RAB6A: variants seen among roughly 807,000 people sequenced by gnomAD.
RAB6A encodes ras-related protein Rab-6A.
In RAB6A, 8 loss-of-function variants were observed where a neutral mutation model predicts 32.3. The ratio of observed to expected loss-of-function variants is 0.25; its 90% CI spans 0.15 to 0.45. The LOEUF (loss-of-function observed/expected upper bound fraction) is 0.45. Ranked by LOEUF, RAB6A falls within the 20% of genes least tolerant of loss-of-function variation. RAB6A has a pLI of 1.00. For synonymous variants in RAB6A, 73 were observed against 82.1 expected, an observed-to-expected ratio of 0.89 and a Z score of 0.60; for missense variants, 104 against 249.4, an observed-to-expected ratio of 0.42 and a Z score of 3.93.
chr11:73,703,555 A>G (rs755235405), intron 6 of RAB6A, among the ~76,000 whole-genome samples: 5 of 152,020 alleles, frequency 3.3e-5, no homozygotes, highest in Non-Finnish European at 5.9e-5. Flanking sequence ...CAGCCTGGCC[A>G]ACGTGGCAAA....
chr11:73,730,772 GTGT>G lies in RAB6A; in HGVS notation c.119_121del (p.Asn40del). Reference sequence around the variant, plus strand: ...TTGGCAAAAACAAAATACCTGATAGGTGTTGTCAAAACTGTCATACATGAATCT... The same window carrying G: ...TTGGCAAAAACAAAATACCTGATAGGTGTCAAAACTGTCATACATGAATCT... On this transcript the variant is annotated inframe_deletion, in exon 2 of 8. Transcript: ENST00000336083. 1 of 1,598,300 alleles carries G rather than the reference GTGT, an allele frequency of 6.3e-7. No homozygotes were observed.
chr11:73,733,538 G>C (rs749632322), intron 1 of RAB6A, among the ~76,000 whole-genome samples: 4 of 149,126 alleles, frequency 2.7e-5, no homozygotes, highest in Non-Finnish European at 5.9e-5. Flanking sequence ...GACAGGGTGT[G>C]AGACACCATC....
chr11:73,739,314 A>T (rs1946458742), intron 1 of RAB6A, among the ~76,000 whole-genome samples: 1 of 83,528 alleles, frequency 1.2e-5, no homozygotes, highest in African/African-American at 4.0e-5. Context: ...TAAATACTGG[A>T]ACACCAAAGA....
intron 1 of RAB6A, among the ~76,000 whole-genome samples, chr11:73,745,419 C>A (rs1191317721): frequency 6.6e-6 from 1 of 152,100 alleles, no homozygotes; most frequent in African/African-American, 2.4e-5. Context: ...AAAGTGGATA[C>A]AACTCACAGA....
At chr11:73,686,294 G>A (rs549523017) in intron 6 of RAB6A, among the ~76,000 whole-genome samples, 2 of 152,220 alleles carry the variant, frequency 1.3e-5, no homozygotes, top group South Asian at 2.1e-4. Context: ...AGTGGCTCAC[G>A]CCTGTAATCC....
chr11:73,717,081 A>G (rs1946063641), intron 4 of RAB6A, among the ~76,000 whole-genome samples: 1 of 152,248 alleles, frequency 6.6e-6, no homozygotes, highest in Non-Finnish European at 1.5e-5. Flanking sequence ...AAACGTGTCA[A>G]TGCACAATAT....
At chr11:73,718,913 T>TAAAAAAAAAAA in intron 3 of RAB6A, 195 bp from the exon 4 acceptor site, 3 of 1,165,908 alleles carry the variant, frequency 2.6e-6, no homozygotes, top group Non-Finnish European at 1.1e-6. Context: ...AAAAAATAAA[T>TAAAAAAAAAAA]AAAAAAAAAA....
intron 2 of RAB6A, among the ~76,000 whole-genome samples, chr11:73,722,965 C>A (rs1313155345): frequency 6.6e-6 from 1 of 152,082 alleles, no homozygotes; most frequent in Non-Finnish European, 1.5e-5. Context: ...CACCACCAAG[C>A]CCAGCTACTT....
chr11:73,756,624 G>C (rs1222741506), intron 1 of RAB6A, among the ~76,000 whole-genome samples: 1 of 152,144 alleles, frequency 6.6e-6, no homozygotes, highest in Non-Finnish European at 1.5e-5. Flanking sequence ...ATAGCCAGAG[G>C]TAGTAACAAA....
chr11:73,705,629 G>A (rs888210466), intron 6 of RAB6A, among the ~76,000 whole-genome samples: 2 of 152,098 alleles, frequency 1.3e-5, no homozygotes, highest in African/African-American at 4.8e-5. Context: ...CCACTGCTTT[G>A]TCTTAGAATA....
At chr11:73,700,607 T>TGGGGGG (rs1565352763) in intron 6 of RAB6A, among the ~76,000 whole-genome samples, 2 of 2,146 alleles carry the variant, frequency 9.3e-4, no homozygotes, top group African/African-American at 2.7e-3. Flanking sequence ...AAAGTGTGTG[T>TGGGGGG]GTGGGGGGGG....
At chr11:73,681,309 AAGGTCCAACTC>A (rs1276079818) in intron 6 of RAB6A, among the ~76,000 whole-genome samples, 1 of 152,248 alleles carries the variant, frequency 6.6e-6, no homozygotes, top group East Asian at 1.9e-4. Context: ...CAGATGTAAC[AAGGTCCAACTC>A]AGGAGGCTGA....
chr11:73,679,484 A>G (rs1270622832), intron 7 of RAB6A, among the ~76,000 whole-genome samples, 170 bp downstream of exon 7: 1 of 151,988 alleles, frequency 6.6e-6, no homozygotes, highest in Non-Finnish European at 1.5e-5. Flanking sequence ...CAAAGGGTGC[A>G]CTTGGATAAC....
chr11:73,737,773 T>C (rs1245629187), intron 1 of RAB6A, among the ~76,000 whole-genome samples: 2 of 151,878 alleles, frequency 1.3e-5, no homozygotes, highest in Non-Finnish European at 1.5e-5. Flanking sequence ...GGCGGGTGGA[T>C]CATGAGGTCA....
chr11:73,753,022 G>A (rs973077135), intron 1 of RAB6A, among the ~76,000 whole-genome samples: 1 of 152,132 alleles, frequency 6.6e-6, no homozygotes, highest in African/African-American at 2.4e-5. Context: ...AGCTTGAGGC[G>A]GGAATCACTT....
chr11:73,696,486 C>T (rs1238416337), intron 6 of RAB6A, among the ~76,000 whole-genome samples: 1 of 152,074 alleles, frequency 6.6e-6, no homozygotes, highest in African/African-American at 2.4e-5. Flanking sequence ...TGAGCCACCA[C>T]GCCCAGCTGC....
At chr11:73,700,171 C>T (rs541778891) in intron 6 of RAB6A, among the ~76,000 whole-genome samples, 1 of 152,300 alleles carries the variant, frequency 6.6e-6, no homozygotes, top group Non-Finnish European at 1.5e-5. Flanking sequence ...ACACTTATTG[C>T]TTCACTAAAA....
At chr11:73,700,810 C>A (rs1287779293) in intron 6 of RAB6A, among the ~76,000 whole-genome samples, 1 of 152,042 alleles carries the variant, frequency 6.6e-6, no homozygotes. Context: ...TGACAACAAT[C>A]TTCTGTAAGA....
intron 6 of RAB6A, among the ~76,000 whole-genome samples, chr11:73,705,710 C>T (rs1024596650): frequency 3.4e-5 from 5 of 149,212 alleles, no homozygotes; most frequent in East Asian, 2.0e-4. Flanking sequence ...GGTTCAGTTA[C>T]GTATCACTTA....
Sources: gnomAD v4.1 joint callset for allele counts (sites outside exome capture counted in the v4.1 genomes callset) on GRCh38, gnomAD v4.1.1 for gene constraint, MANE v1.5 for transcripts, NCBI Gene and HGNC (gene_info 2026-07-23, HGNC 2026-07-21) for gene names.